The following ZNF765 variants were observed in gnomAD, a reference collection of about 807,000 sequenced individuals.
ZNF765 encodes the protein zinc finger protein 765.
In ZNF765, 37 loss-of-function variants were observed where a neutral mutation model predicts 44.7. The ratio of observed to expected loss-of-function variants is 0.83; its 90% CI spans 0.64 to 1.09. The LOEUF is 1.09. Among genes scored for constraint, ZNF765 ranks in the 50% least tolerant of loss-of-function variants. The probability of loss-of-function intolerance (pLI) is 0.00; values close to 1 mark genes in which losing one functional copy is unlikely to be tolerated. For synonymous variants in ZNF765, 201 were observed against 213.7 expected, an observed-to-expected ratio of 0.94 and a Z score of 0.52; for missense variants, 594 against 626.1, an observed-to-expected ratio of 0.95 and a Z score of 0.55.
At position 53,422,590 on chromosome 19, in the gene ZNF765, ATTTT is replaced by A. The variant is rs565648132; in HGVS notation, c.143-471_143-468del. Among the ~76,000 whole-genome samples, 78 of 151,998 alleles carry A rather than the reference ATTTT, an allele frequency of 5.1e-4. No homozygotes were observed. In the South Asian group the frequency reaches 9.2e-3, roughly 18 times the overall value. On this transcript the variant is annotated intron_variant, in intron 3 of 3. Transcript: ENST00000594030. Reference sequence around the variant, plus strand: ...TTTTTATATATTTACTTATTTATTTATTTTGAGACGGTGTCACTTTATCATCCAG... The same window carrying A: ...TTTTTATATATTTACTTATTTATTTAGAGACGGTGTCACTTTATCATCCAG...
chr19:53,402,606 G>T (rs969809181), intron 3 of ZNF765, among the ~76,000 whole-genome samples: 4 of 152,060 alleles, frequency 2.6e-5, no homozygotes, highest in Non-Finnish European at 4.4e-5. Context: ...CTGTCAGCCC[G>T]GGTGGAGTAC....
In ZNF765 at chr19:53,409,042, G is replaced by A. The variant is rs2085808381; in HGVS notation, c.1487G>A (p.Cys496Tyr). The change falls in exon 4 of 4, where the codon TGT (cysteine) becomes TAT (tyrosine). Residue 496 changes from cysteine to tyrosine, a missense_variant. By Grantham distance (194) the Cys-to-Tyr change is radical (BLOSUM62 -2). This residue lies in a region of ZNF765 where 567 missense variants were observed against 572.6 expected (regional missense o/e 0.99). Coordinates refer to ENST00000396408, the MANE Select transcript of ZNF765 (RefSeq NM_001040185.3). ...CATACTGGACAGAAACCTTACAAAT[G>A]TGAAGATTGTGATGAAGCTTTCAGT... The part of the protein sequence containing the change: ...RLHTGQKPYK[C>Y]EDCDEAFSFK... 6 of 1,613,972 alleles carry A rather than the reference G, an allele frequency of 3.7e-6. No homozygotes were observed. The highest frequency in any genetic ancestry group is 5.1e-6 in the Non-Finnish European group (6 of 1,179,992).
chr19:53,415,022 A>C (rs2085866607), downstream of ZNF765, among the ~76,000 whole-genome samples: 1 of 152,220 alleles, frequency 6.6e-6, no homozygotes, highest in South Asian at 2.1e-4. Context: ...CTGTAATCCC[A>C]GCACTTTGGG....
chr19:53,407,888 A>G lies in ZNF765; in HGVS notation c.333A>G (p.Ala111=). 3 of 1,613,836 alleles carry G rather than the reference A, an allele frequency of 1.9e-6. No individual in the cohort carries two copies. In the South Asian group the frequency reaches 3.3e-5, roughly 18 times the overall value. The change falls in exon 4 of 4, where the codon GCA becomes GCG. Residue 111 remains alanine, a synonymous_variant. Transcript: ENST00000396408. ...AAGATGAAAGAAATGGCCATGAAGC[A>G]CTCATGACAAAAATCAAAAAGTTGA... ...WQEDERNGHE[A]LMTKIKKLTG...
Position 53,395,997 on chromosome 19 carries a change from GGAA to G in ZNF765, c.-74+805_-74+807del, listed in dbSNP as rs1365464640. 4.1e-3 allele frequency among the ~76,000 whole-genome samples: 424 copies of G among 104,254 alleles called. 1 individual carries two copies. Among genetic ancestry groups the G allele is most frequent in the African/African-American group, 0.012 (402 of 34,052 alleles). The allele number at this position is 104,254 out of a possible 152,430, so 68.4% of individuals were successfully genotyped here. A position where few individuals can be genotyped will look rare whatever the true frequency, so the allele number is the denominator to read the frequency against. On this transcript the variant is annotated intron_variant, in intron 1 of 3. Coordinates refer to ENST00000396408, the MANE Select transcript of ZNF765 (RefSeq NM_001040185.3). ...ATTTGCCAGACACAGCAAATGTGGGGGAAAAAAAAAAAAAGGAGGAGAAAAGCA... is the reference window on the plus strand; with the variant it reads ...ATTTGCCAGACACAGCAAATGTGGGGAAAAAAAAAAAGGAGGAGAAAAGCA...
At position 53,410,043 on chromosome 19, in the gene ZNF765, T is replaced by G. The variant is rs192132549; in HGVS notation, c.*916T>G. The G allele has an allele frequency of 4.6e-5, 22 of 481,306 alleles. No individual in the cohort carries two copies. In the East Asian group the frequency reaches 9.1e-4, roughly 20 times the overall value. 29.8% of individuals were successfully genotyped at this position (481,306 alleles called of 1,614,324 possible). A position where few individuals can be genotyped will look rare whatever the true frequency, so the allele number is the denominator to read the frequency against. On this transcript the variant is annotated 3_prime_UTR_variant, in exon 4 of 4. Coordinates refer to ENST00000396408, the MANE Select transcript of ZNF765 (RefSeq NM_001040185.3). Reference sequence around the variant, plus strand: ...ATAAATGCAGAAAATTTTTCAGACATCCTTCATACCTTTGCAGTTCATGGG... The same window carrying G: ...ATAAATGCAGAAAATTTTTCAGACAGCCTTCATACCTTTGCAGTTCATGGG...
chr19:53,419,086 G>A (rs2085892471), intron 3 of ZNF765, among the ~76,000 whole-genome samples: 1 of 152,062 alleles, frequency 6.6e-6, no homozygotes, highest in East Asian at 1.9e-4. Context: ...GTCCCTGATA[G>A]CTCCTAATGT....
At chr19:53,422,955 A>C in intron 3 of ZNF765, 1 of 734,196 alleles carries the variant, frequency 1.4e-6, no homozygotes, top group Non-Finnish European at 2.5e-6. Flanking sequence ...AATTGTAGCC[A>C]ACACGTTATT....
rs371285062 is a variant in ZNF765, at chr19:53,407,992, C to T, written c.437C>T (p.Ser146Leu). The change falls in exon 4 of 4, where the codon TCG becomes TTG. Residue 146 changes from serine (S) to leucine (L), a missense_variant. Ser to Leu is a moderately radical substitution (Grantham distance 145). Transcript: ENST00000396408. Reference protein sequence around the residue: ...VKYQLGFSFHSHLPELHIFHT... With the variant: ...VKYQLGFSFHLHLPELHIFHT... ...TATCAGCTTGGATTCAGCTTTCATT[C>T]GCATCTGCCTGAACTGCACATATTT... is the stretch of plus-strand genomic sequence containing the variant. The T allele has an allele frequency of 1.2e-5, 19 of 1,614,022 alleles. No individual in the cohort carries two copies. Among genetic ancestry groups the T allele is most frequent in the South Asian group, 2.2e-5 (2 of 91,080 alleles).
intron 3 of ZNF765, among the ~76,000 whole-genome samples, chr19:53,422,599 C>G (rs1457992748): frequency 2.6e-5 from 4 of 151,940 alleles, no homozygotes; most frequent in Non-Finnish European, 5.9e-5. Flanking sequence ...TATTTTGAGA[C>G]GGTGTCACTT....
At position 53,423,286 on chromosome 19, in the gene ZNF765, G is replaced by A. The variant is rs1172955539; in HGVS notation, c.*184G>A. 2.4e-5 allele frequency: 16 copies of A among 666,900 alleles called. No homozygotes were observed. The Admixed American group carries it at 3.1e-4, about 13-fold the overall frequency. The allele number at this position is 666,900 out of a possible 1,614,324, so 41.3% of individuals were successfully genotyped here. A position where few individuals can be genotyped will look rare whatever the true frequency, so the allele number is the denominator to read the frequency against. ...AATACCACGAAGACAAAAGATCTGG[G>A]ATACTGTTCTGCTGCTGATCACGAG... On this transcript the variant is annotated 3_prime_UTR_variant, in exon 4 of 4. Transcript: ENST00000594030.
chr19:53,395,599 T>C (rs901847889), intron 1 of ZNF765, among the ~76,000 whole-genome samples: 10 of 152,238 alleles, frequency 6.6e-5, no homozygotes, highest in African/African-American at 2.4e-4. Context: ...CTCTGTCTGG[T>C]CCTGGGATCC....
downstream of ZNF765, among the ~76,000 whole-genome samples, chr19:53,412,315 C>T (rs1398398571): frequency 6.6e-6 from 1 of 152,192 alleles, no homozygotes; most frequent in East Asian, 1.9e-4. Context: ...GTTCAAGTGG[C>T]ATATCACATT....
chr19:53,419,943 C>T (rs2085897540), intron 3 of ZNF765, among the ~76,000 whole-genome samples: 1 of 151,928 alleles, frequency 6.6e-6, no homozygotes, highest in Non-Finnish European at 1.5e-5. Flanking sequence ...TTTCTTGAAC[C>T]CAGGAAGGCG....
In ZNF765 at chr19:53,409,108, G is replaced by C. The variant is rs1568782182; in HGVS notation, c.1553G>C (p.Gly518Ala). Residue 518 changes from glycine (G) to alanine (A), a missense_variant, in exon 4 of 4, where the codon GGA becomes GCA. By Grantham distance (60) the Gly-to-Ala change is moderately conservative (BLOSUM62 0). Coordinates refer to ENST00000396408, the MANE Select transcript of ZNF765 (RefSeq NM_001040185.3). ...GAAAGACATAGGAGAATTTATACTG[G>C]AGAGAAACTACACGTGTAATGAGTG... ...NLERHRRIYT[G>A]EKLHV 6.2e-7 allele frequency: 1 copy of C among 1,613,574 alleles called. No homozygotes were observed.
chr19:53,405,948 T>TATATATATATATATATAA (rs1555832274), intron 3 of ZNF765, among the ~76,000 whole-genome samples: 1 of 123,584 alleles, frequency 8.1e-6, no homozygotes, highest in Non-Finnish European at 1.7e-5. Context: ...TATATATATA[T>TATATATATATATATATAA]ATAAAATTGC....
At chr19:53,395,963 G>C (rs1324467972) in intron 1 of ZNF765, among the ~76,000 whole-genome samples, 1 of 150,888 alleles carries the variant, frequency 6.6e-6, no homozygotes, top group Non-Finnish European at 1.5e-5. Flanking sequence ...AGTAGAGGAT[G>C]GGTGAGGGAT....
At chr19:53,407,107 G>A in intron 3 of ZNF765, among the ~76,000 whole-genome samples, 1 of 151,924 alleles carries the variant, frequency 6.6e-6, no homozygotes, top group South Asian at 2.1e-4. Flanking sequence ...TGCCTCTTGG[G>A]TTCAAACGAT....
downstream of ZNF765, among the ~76,000 whole-genome samples, chr19:53,416,346 C>T (rs1275427441): frequency 6.6e-6 from 1 of 152,120 alleles, no homozygotes; most frequent in Non-Finnish European, 1.5e-5. Context: ...GCAGAGGATG[C>T]AGTGAGCCGA....
Sources: gnomAD v4.1 joint callset for allele counts (sites outside exome capture counted in the v4.1 genomes callset) on GRCh38, gnomAD v4.1.1 for gene constraint, gnomAD v4.1.1 regional missense constraint, MANE v1.5 for transcripts, NCBI Gene and HGNC (gene_info 2026-07-23, HGNC 2026-07-21) for gene names.